LSR: variants seen among roughly 807,000 people sequenced by gnomAD.
The protein encoded by LSR is lipolysis stimulated lipoprotein receptor.
In LSR, 44 loss-of-function variants were observed where a neutral mutation model predicts 61.8. That is an observed-to-expected ratio of 0.71 (90% CI 0.56 to 0.91). LSR has a LOEUF of 0.91. LSR is among the 40% of genes least tolerant of loss of function. The pLI is 0.00. For missense variants in LSR, 911 were observed against 830.5 expected (o/e 1.10, Z -1.19); for synonymous variants, 397 against 350.6 (o/e 1.13, Z -1.48).
intron 2 of LSR, among the ~76,000 whole-genome samples, chr19:35,252,382 CTCACG>C (rs2145494915): frequency 6.6e-6 from 1 of 152,086 alleles, no homozygotes; most frequent in East Asian, 1.9e-4. Context: ...GGCACGGTGG[CTCACG>C]TCTGTAATCT....
chr19:35,263,790 C>G (rs1474626829), intron 5 of LSR, among the ~76,000 whole-genome samples: 3 of 152,008 alleles, frequency 2.0e-5, no homozygotes, highest in African/African-American at 7.2e-5. Context: ...ACTACCACAC[C>G]TGGCCTTAAA....
intron 2 of LSR, among the ~76,000 whole-genome samples, chr19:35,251,866 G>A (rs926253376): frequency 1.1e-4 from 8 of 72,372 alleles, no homozygotes; most frequent in Admixed American, 6.5e-4. Context: ...ACGGAGTCTC[G>A]CTCTGTCGCC....
intron 5 of LSR, 71 bp downstream of exon 5, chr19:35,262,763 A>G: frequency 1.3e-6 from 2 of 1,567,572 alleles, no homozygotes; most frequent in Non-Finnish European, 1.7e-6. Context: ...GTGGCCATCC[A>G]CCTGCCCCCA....
In LSR at chr19:35,267,742, C is replaced by T. The variant is rs1428790792; in HGVS notation, c.1770+8C>T. 3.1e-6 allele frequency: 5 copies of T among 1,610,530 alleles called. No individual in the cohort carries two copies. Among genetic ancestry groups the T allele is most frequent in the Non-Finnish European group, 4.2e-6 (5 of 1,178,894 alleles). ...GAGCGCAGGCTCAAGAAGGTGAGGG[C>T]CGCCCTCCCTGGCGTCCAGACCGTC... On this transcript the variant is annotated splice_region_variant and intron_variant, in intron 9 of 9. Coordinates refer to ENST00000605618, the MANE Select transcript of LSR (RefSeq NM_205834.4).
At chr19:35,255,041 G>A (rs191050144) in intron 2 of LSR, among the ~76,000 whole-genome samples, 14 of 152,240 alleles carry the variant, frequency 9.2e-5, no homozygotes, top group African/African-American at 3.4e-4. Flanking sequence ...AAGAGGCACG[G>A]TCAGGGTCTG....
chr19:35,262,837 G>T, intron 5 of LSR, 145 bp downstream of exon 5: 1 of 915,116 alleles, frequency 1.1e-6, no homozygotes, highest in Non-Finnish European at 1.6e-6. Flanking sequence ...GCTGAGGAGG[G>T]TCTGCTGTTT....
chr19:35,252,947 A>G (rs1470442414), intron 2 of LSR, among the ~76,000 whole-genome samples: 2 of 151,980 alleles, frequency 1.3e-5, no homozygotes, highest in Non-Finnish European at 2.9e-5. Context: ...CTTGGGCTTG[A>G]GAGGTCAAGG....
At chr19:35,250,164 C>T (rs1599587552) in intron 1 of LSR, 151 bp from the exon 2 acceptor site, 1 of 550,484 alleles carries the variant, frequency 1.8e-6, no homozygotes, top group East Asian at 2.9e-5. Context: ...ATCGTGGCTA[C>T]CTCACTGGTC....
chr19:35,259,404 C>G (rs1181715536), intron 3 of LSR: 1 of 193,832 alleles, frequency 5.2e-6, no homozygotes, highest in African/African-American at 2.4e-5. Flanking sequence ...CTTTGGGAGG[C>G]CGAGGCGGGT....
At chr19:35,266,798 C>G in intron 7 of LSR, 38 bp from the exon 8 acceptor site, 1 of 1,607,984 alleles carries the variant, frequency 6.2e-7, no homozygotes, top group East Asian at 2.2e-5. Context: ...GGGCCAGGAT[C>G]CATCCTCCCA....
rs562833840 is a variant in LSR, at chr19:35,249,401, C to G, written c.109+270C>G. On this transcript the variant is annotated intron_variant, in intron 1 of 9. Transcript: ENST00000605618. Reference sequence around the variant, plus strand: ...CCGGAGCGGCAGGGAGAATGGAACTCTTTGTGGGGAGGGAGTGGAAGACCG... The same window carrying G: ...CCGGAGCGGCAGGGAGAATGGAACTGTTTGTGGGGAGGGAGTGGAAGACCG... 148 of 475,254 alleles carry G rather than the reference C, an allele frequency of 3.1e-4. 2 individuals carry two copies. In the South Asian group the frequency reaches 4.5e-3, roughly 15 times the overall value. The allele number at this position is 475,254 out of a possible 1,614,324, so 29.4% of individuals were successfully genotyped here.
intron 5 of LSR, among the ~76,000 whole-genome samples, chr19:35,265,635 G>C (rs2065987187): frequency 2.0e-5 from 3 of 152,166 alleles, no homozygotes; most frequent in Admixed American, 1.3e-4. Flanking sequence ...TCTTGCCCTA[G>C]GGAGGAAGGA....
rs995397948 is a variant in LSR at position 35,249,241 on chromosome 19, G to T, written c.109+110G>T. The T allele has an allele frequency of 6.6e-5, 88 of 1,343,496 alleles. 1 individual carries two copies. Among genetic ancestry groups the T allele is most frequent in the East Asian group, 5.3e-5 (2 of 37,728 alleles). 83.2% of individuals were successfully genotyped at this position (1,343,496 alleles called of 1,614,324 possible). ...GGGAAGCGGGGGTCTCAGAGGCTGG[G>T]ACCTTCCGATCCCCTGGGTCTTGGG... On this transcript the variant is annotated intron_variant, in intron 1 of 9. Coordinates refer to ENST00000605618, the MANE Select transcript of LSR (RefSeq NM_205834.4).
intron 2 of LSR, among the ~76,000 whole-genome samples, chr19:35,257,327 A>C (rs896426365): frequency 3.9e-5 from 6 of 152,252 alleles, no homozygotes; most frequent in African/African-American, 1.4e-4. Flanking sequence ...CCCAGCCCAC[A>C]GGGGGACAGT....
At chr19:35,255,803 A>G (rs2853332) in intron 2 of LSR, among the ~76,000 whole-genome samples, 48,211 of 152,086 alleles carry the variant, frequency 0.32, 8,649 homozygotes, top group Non-Finnish European at 0.41. Flanking sequence ...TCTTTGTCTG[A>G]TATGTGACAT....
chr19:35,254,994 G>A (rs548430403), intron 2 of LSR, among the ~76,000 whole-genome samples: 2 of 152,222 alleles, frequency 1.3e-5, no homozygotes, highest in East Asian at 3.9e-4. Flanking sequence ...CACCTCTTTT[G>A]TTTATAGCAG....
chr19:35,267,051 G>C, intron 8 of LSR, 58 bp from the exon 9 acceptor site: 1 of 1,544,320 alleles, frequency 6.5e-7, no homozygotes, highest in Non-Finnish European at 8.7e-7. Flanking sequence ...GGGACTCTTG[G>C]TGCAAACCCT....
chr19:35,261,983 T>TA lies in LSR; in HGVS notation c.631+3dup, dbSNP rs1220337005. 1 of 1,517,702 alleles carries TA rather than the reference T, an allele frequency of 6.6e-7. No homozygotes were observed. Among genetic ancestry groups the TA allele is most frequent in the South Asian group, 1.3e-5 (1 of 74,590 alleles). The allele number at this position is 1,517,702 out of a possible 1,614,324, so 94.0% of individuals were successfully genotyped here. A position where few individuals can be genotyped will look rare whatever the true frequency, so the allele number is the denominator to read the frequency against. Reference sequence around the variant, plus strand: ...GTTTTCAGGCGGGGCCCATAGAAGGTACGGGGGGTGGATCCTGAGTTGGGC... The same window carrying TA: ...GTTTTCAGGCGGGGCCCATAGAAGGTAACGGGGGGTGGATCCTGAGTTGGGC... On this transcript the variant is annotated splice_region_variant and intron_variant, in intron 4 of 9. Transcript: ENST00000605618.
chr19:35,254,726 TA>T (rs1481966576), intron 2 of LSR, among the ~76,000 whole-genome samples: 1 of 151,994 alleles, frequency 6.6e-6, no homozygotes, highest in African/African-American at 2.4e-5. Context: ...CTCCCCGACC[TA>T]AAACAATGAA....
Sources: gnomAD v4.1 joint callset for allele counts (sites outside exome capture counted in the v4.1 genomes callset) on GRCh38, gnomAD v4.1.1 for gene constraint, MANE v1.5 for transcripts, NCBI Gene and HGNC (gene_info 2026-07-23, HGNC 2026-07-21) for gene names.